PSTPIP1: variants seen among roughly 807,000 people sequenced by gnomAD.
PSTPIP1 encodes the protein proline-serine-threonine phosphatase-interacting protein 1.
Under a neutral mutation model 69.6 loss-of-function variants are expected in PSTPIP1, and 66 were observed. That is an observed-to-expected ratio of 0.95 (90% CI 0.78 to 1.16). The LOEUF (loss-of-function observed/expected upper bound fraction) is 1.16. Among genes scored for constraint, PSTPIP1 ranks in the 50% most tolerant of loss-of-function variants. PSTPIP1 has a pLI of 0.00. For missense variants in PSTPIP1, 603 were observed against 557.4 expected (o/e 1.08, Z -0.82); for synonymous variants, 266 against 222.7 (o/e 1.19, Z -1.73).
At chr15:77,025,257 C>T in intron 3 of PSTPIP1, 27 bp from the exon 4 acceptor site, 1 of 1,600,240 alleles carries the variant, frequency 6.2e-7, no homozygotes, top group Non-Finnish European at 8.6e-7. Flanking sequence ...CTCTCCTCCT[C>T]CTGACCTGGA....
rs149869928 is a variant in PSTPIP1, at chr15:77,016,621, G to C, written c.37-1527G>C. Among the ~76,000 whole-genome samples the C allele has an allele frequency of 4.1e-3, 631 of 152,158 alleles. 6 individuals carry two copies. The highest frequency in any genetic ancestry group is 0.01 in the Middle Eastern group (3 of 294). On this transcript the variant is annotated intron_variant, in intron 1 of 14. Coordinates refer to ENST00000558012, the MANE Select transcript of PSTPIP1 (RefSeq NM_003978.5). ...GGAATTTCTAGGGATGCTTATGGAG[G>C]GGGTAGGAGCTTGGGGTCCTAAGTG...
At chr15:77,036,906 T>A in intron 14 of PSTPIP1, 139 bp from the exon 15 acceptor site, 1 of 1,145,584 alleles carries the variant, frequency 8.7e-7, no homozygotes, top group Non-Finnish European at 1.2e-6. Context: ...ACCCCCATCC[T>A]GTGTCCCCAA....
intron 9 of PSTPIP1, 128 bp downstream of exon 9, chr15:77,030,709 C>T (rs2076394177): frequency 2.1e-6 from 2 of 945,020 alleles, no homozygotes; most frequent in South Asian, 1.9e-5. Flanking sequence ...CTCGTTTATT[C>T]AGCCTCCTGC....
At chr15:77,012,480 T>TCCACCCATCCATCCAC (rs1304787507) in intron 1 of PSTPIP1, among the ~76,000 whole-genome samples, 6 of 137,712 alleles carry the variant, frequency 4.4e-5, no homozygotes, top group Non-Finnish European at 9.4e-5. Flanking sequence ...CATCTACCCA[T>TCCACCCATCCATCCAC]CCACCCATCC....
At chr15:77,021,500 G>A (rs1032595031) in intron 3 of PSTPIP1, among the ~76,000 whole-genome samples, 93 of 152,256 alleles carry the variant, frequency 6.1e-4, no homozygotes, top group Admixed American at 2.3e-3. Flanking sequence ...CCAACATGGT[G>A]AAACCCCGTC....
intron 1 of PSTPIP1, among the ~76,000 whole-genome samples, chr15:77,013,139 C>T (rs1036541920): frequency 1.3e-5 from 2 of 152,192 alleles, no homozygotes; most frequent in African/African-American, 2.4e-5. Context: ...CACCCCAGCA[C>T]CATGCAGCTC....
At position 77,028,646 on chromosome 15, in the gene PSTPIP1, G is replaced by A. The variant is rs2076344369; in HGVS notation, c.510G>A (p.Val170=). The part of the protein sequence containing the change: ...RISANGHQKQ[V]EKSQNKARQC... ...GCGCCAACGGCCACCAGAAGCAGGT[G>A]GAGAAGGTGCGCTGGGCTGCTGGGC... Residue 170 remains valine, a synonymous_variant, in exon 7 of 15, where the codon GTG becomes GTA. Transcript: ENST00000558012. 6.4e-7 allele frequency: 1 copy of A among 1,569,080 alleles called. No individual in the cohort carries two copies. Among genetic ancestry groups the A allele is most frequent in the South Asian group, 1.2e-5 (1 of 85,520 alleles).
chr15:77,028,136 C>G (rs953458699), intron 6 of PSTPIP1, among the ~76,000 whole-genome samples: 2 of 151,916 alleles, frequency 1.3e-5, no homozygotes, highest in Non-Finnish European at 2.9e-5. Flanking sequence ...TTGTGGGGCT[C>G]GTGAATGAAG....
In PSTPIP1 at chr15:77,000,460, G is replaced by GATAT. The variant is rs1045472754; in HGVS notation, c.36+4865_36+4868dup. Among the ~76,000 whole-genome samples, 224 of 141,752 alleles carry GATAT rather than the reference G, an allele frequency of 1.6e-3. 1 individual carries two copies. The highest frequency in any genetic ancestry group is 5.3e-3 in the African/African-American group (200 of 38,020). The allele number at this position is 141,752 out of a possible 152,430, so 93.0% of individuals were successfully genotyped here. A position where few individuals can be genotyped will look rare whatever the true frequency, so the allele number is the denominator to read the frequency against. On this transcript the variant is annotated intron_variant, in intron 1 of 14. Transcript: ENST00000558012. ...GTTCCATCCTGGGCATTTAAAGAGAGATATATATATATATATACACACACA... is the reference window on the plus strand; with the variant it reads ...GTTCCATCCTGGGCATTTAAAGAGAGATATATATATATATATATATACACACACA...
chr15:77,025,188 A>C, intron 3 of PSTPIP1, 96 bp from the exon 4 acceptor site: 3 of 1,364,368 alleles, frequency 2.2e-6, no homozygotes, highest in Non-Finnish European at 3.1e-6. Flanking sequence ...ACCAAAATAA[A>C]AGTCCTCCCC....
At position 77,003,704 on chromosome 15, in the gene PSTPIP1, C is replaced by T. The variant is rs144652154; in HGVS notation, c.36+8095C>T. 1.1e-3 allele frequency among the ~76,000 whole-genome samples: 165 copies of T among 152,162 alleles called. 1 individual carries two copies. The highest frequency in any genetic ancestry group is 3.8e-3 in the African/African-American group (156 of 41,546). Reference sequence around the variant, plus strand: ...GAAGCGGGCTTCTTTGAAGCCTCACCCAACCCTCACCCACACTTGCTAGGT... The same window carrying T: ...GAAGCGGGCTTCTTTGAAGCCTCACTCAACCCTCACCCACACTTGCTAGGT... On this transcript the variant is annotated intron_variant, in intron 1 of 14. Coordinates refer to ENST00000558012, the MANE Select transcript of PSTPIP1 (RefSeq NM_003978.5).
chr15:77,018,091 C>T, intron 1 of PSTPIP1, 57 bp from the exon 2 acceptor site: 1 of 1,510,950 alleles, frequency 6.6e-7, no homozygotes. Context: ...CCCCACAGGG[C>T]TGTGCTCAGT....
In PSTPIP1 at chr15:77,037,136, A is replaced by G. The variant is rs2076599951; in HGVS notation, c.1211A>G (p.Gln404Arg). Residue 404 changes from glutamine to arginine, a missense_variant, in exon 15 of 15, where the codon CAG becomes CGG. Transcript: ENST00000558012. Reference sequence around the variant, plus strand: ...TGGTGGACTGTGGAGAGGAACGGGCAGCGTGGCTTCGTCCCTGGTTCCTAC... The same window carrying G: ...TGGTGGACTGTGGAGAGGAACGGGCGGCGTGGCTTCGTCCCTGGTTCCTAC... ...DGWWTVERNG[Q>R]RGFVPGSYLE... is the part of the protein sequence containing the mutation. The G allele has an allele frequency of 8.7e-6, 14 of 1,612,074 alleles. No individual in the cohort carries two copies. The highest frequency in any genetic ancestry group is 1.3e-5 in the African/African-American group (1 of 75,024).
intron 2 of PSTPIP1, 59 bp from the exon 3 acceptor site, chr15:77,018,398 G>A: frequency 6.5e-7 from 1 of 1,548,088 alleles, no homozygotes; most frequent in Non-Finnish European, 8.7e-7. Context: ...CCTCAAACCT[G>A]GGCCTCCCCC....
At chr15:77,007,983 C>T in intron 1 of PSTPIP1, 1 of 455,934 alleles carries the variant, frequency 2.2e-6, no homozygotes, top group South Asian at 1.6e-5. Flanking sequence ...TTGACCTGGA[C>T]CAGCTCTGAG....
At chr15:77,020,801 C>T (rs1160035105) in intron 3 of PSTPIP1, among the ~76,000 whole-genome samples, 1 of 151,914 alleles carries the variant, frequency 6.6e-6, no homozygotes, top group East Asian at 1.9e-4. Flanking sequence ...CCATGCCAAC[C>T]TGAAGGGCTT....
At chr15:76,995,835 T>C (rs2075567296) in intron 1 of PSTPIP1, among the ~76,000 whole-genome samples, 2 of 152,172 alleles carry the variant, frequency 1.3e-5, no homozygotes. Flanking sequence ...GCCCCGTGTG[T>C]TTTCTCCTCT....
intron 13 of PSTPIP1, 91 bp from the exon 14 acceptor site, chr15:77,035,711 G>A (rs1157354613): frequency 5.3e-6 from 8 of 1,499,482 alleles, no homozygotes; most frequent in African/African-American, 1.4e-5. Flanking sequence ...GGAAGAGGCA[G>A]GGCCCAGCAT....
intron 12 of PSTPIP1, among the ~76,000 whole-genome samples, chr15:77,033,821 G>A (rs985752715): frequency 4.8e-5 from 1 of 20,732 alleles, no homozygotes; most frequent in Non-Finnish European, 1.3e-4. Context: ...CTTAGAGAGG[G>A]CACACACACA....
Sources: allele counts gnomAD v4.1 joint callset (sites outside exome capture counted in the v4.1 genomes callset), GRCh38; gene constraint gnomAD v4.1.1; transcripts MANE v1.5; gene names NCBI Gene and HGNC (gene_info 2026-07-23, HGNC 2026-07-21).